MOCOS: variants seen among roughly 807,000 people sequenced by gnomAD.
The protein encoded by MOCOS is human molybdenum cofactor sulfurase.
A neutral mutation model predicts 83.6 loss-of-function variants in MOCOS; 86 were observed. The observed-to-expected ratio is 1.03, with a 90% CI of 0.86 to 1.23. The LOEUF (loss-of-function observed/expected upper bound fraction) is 1.23. Ranked by LOEUF, MOCOS falls within the 50% of genes most tolerant of loss-of-function variation. The pLI is 0.00. For synonymous variants in MOCOS, 445 were observed against 434.7 expected, an observed-to-expected ratio of 1.02 and a Z score of -0.29; for missense variants, 1,120 against 1,126.9, an observed-to-expected ratio of 0.99 and a Z score of 0.09.
In MOCOS at chr18:36,254,456, CTCTGTGTG is replaced by C. The variant is rs1459986985; in HGVS notation, c.2165-2510_2165-2503del. 1.8e-3 allele frequency among the ~76,000 whole-genome samples: 165 copies of C among 90,124 alleles called. 1 individual carries two copies. Among genetic ancestry groups the C allele is most frequent in the African/African-American group, 7.9e-3 (157 of 19,970 alleles). 59.1% of individuals were successfully genotyped at this position (90,124 alleles called of 152,430 possible). On this transcript the variant is annotated intron_variant, in intron 11 of 14. Transcript: ENST00000261326. ...GAGTATTCATTACAAAATACATTATCTCTGTGTGTGTGTGTGTGTGTGTGTGTGTGTGT... is the reference window on the plus strand; with the variant it reads ...GAGTATTCATTACAAAATACATTATCTGTGTGTGTGTGTGTGTGTGTGTGT...
At chr18:36,222,968 C>A (rs73432615) in intron 9 of MOCOS, among the ~76,000 whole-genome samples, 3,598 of 152,148 alleles carry the variant, frequency 0.024, 156 homozygotes, top group African/African-American at 0.082. Flanking sequence ...TGTAGGAGTT[C>A]CTTATATATC....
At chr18:36,254,600 T>C (rs2091635089) in intron 11 of MOCOS, among the ~76,000 whole-genome samples, 1 of 151,290 alleles carries the variant, frequency 6.6e-6, no homozygotes, top group African/African-American at 2.4e-5. Context: ...TGTGTGTATA[T>C]ATATATACAC....
chr18:36,250,267 G>A (rs1484814520), intron 10 of MOCOS, among the ~76,000 whole-genome samples: 1 of 152,206 alleles, frequency 6.6e-6, no homozygotes, highest in Non-Finnish European at 1.5e-5. Context: ...GGGTAGGTCT[G>A]TGCTCAGTAG....
rs138512504 is a variant in MOCOS at position 36,270,682 on chromosome 18, C to T, written c.*1997C>T. ...GAGCCGAGATCATGCCACTGCACACCGGCCTGGTGACAGAGCAAGACTCCA... is the reference window on the plus strand; with the variant it reads ...GAGCCGAGATCATGCCACTGCACACTGGCCTGGTGACAGAGCAAGACTCCA... On this transcript the variant is annotated 3_prime_UTR_variant, in exon 15 of 15. Transcript: ENST00000261326. The T allele has an allele frequency of 0.023, 3,183 of 140,300 alleles. 52 individuals are homozygous for T. Among genetic ancestry groups the T allele is most frequent in the Middle Eastern group, 0.048 (12 of 250 alleles). 8.7% of individuals were successfully genotyped at this position (140,300 alleles called of 1,614,324 possible). A position where few individuals can be genotyped will look rare whatever the true frequency, so the allele number is the denominator to read the frequency against.
chr18:36,234,086 T>G (rs2091548827), intron 9 of MOCOS, among the ~76,000 whole-genome samples: 1 of 152,234 alleles, frequency 6.6e-6, no homozygotes, highest in South Asian at 2.1e-4. Flanking sequence ...TTTTGGGTTC[T>G]TGGTCATGAA....
At chr18:36,244,228 G>A (rs2091594821) in intron 9 of MOCOS, among the ~76,000 whole-genome samples, 1 of 150,974 alleles carries the variant, frequency 6.6e-6, no homozygotes, top group South Asian at 2.1e-4. Context: ...ATTTATTTGT[G>A]CTCTTTCAGA....
chr18:36,187,682 G>T lies in MOCOS; in HGVS notation c.142+1G>T. On this transcript the variant is annotated splice_donor_variant, in intron 1 of 14. Transcript: ENST00000261326. LOFTEE classifies it high-confidence loss of function. ...GCGCGCGAGTTCAGCCGCCTGGCAGGTGAGGCGGGCGGGCAGGCTTGGGGG... is the reference window on the plus strand; with the variant it reads ...GCGCGCGAGTTCAGCCGCCTGGCAGTTGAGGCGGGCGGGCAGGCTTGGGGG... 7.9e-7 allele frequency: 1 copy of T among 1,266,230 alleles called. No homozygotes were observed. The highest frequency in any genetic ancestry group is 9.9e-7 in the Non-Finnish European group (1 of 1,006,072). 78.4% of individuals were successfully genotyped at this position (1,266,230 alleles called of 1,614,324 possible).
At chr18:36,225,102 CTCATT>C (rs1179133669) in intron 9 of MOCOS, among the ~76,000 whole-genome samples, 11 of 152,044 alleles carry the variant, frequency 7.2e-5, no homozygotes, top group Admixed American at 5.2e-4. Context: ...TTTATAGTGT[CTCATT>C]TCATTTCAGA....
chr18:36,225,005 AT>A (rs1242918725), intron 9 of MOCOS, among the ~76,000 whole-genome samples: 5 of 152,078 alleles, frequency 3.3e-5, no homozygotes, highest in Non-Finnish European at 7.4e-5. Flanking sequence ...GTTTCTAGGA[AT>A]TTATTCATTT....
intron 1 of MOCOS, among the ~76,000 whole-genome samples, chr18:36,188,533 C>T (rs373370585): frequency 2.0e-5 from 3 of 152,184 alleles, no homozygotes; most frequent in Admixed American, 1.3e-4. Context: ...GGCCGCGTGC[C>T]GGATGGTCAA....
At chr18:36,263,272 G>T (rs2091670227) in intron 13 of MOCOS, among the ~76,000 whole-genome samples, 1 of 152,144 alleles carries the variant, frequency 6.6e-6, no homozygotes, top group Non-Finnish European at 1.5e-5. Flanking sequence ...CATTTTGGGA[G>T]ACTGATACTA....
At chr18:36,208,702 T>G (rs1396835310) in intron 6 of MOCOS, among the ~76,000 whole-genome samples, 3 of 152,224 alleles carry the variant, frequency 2.0e-5, no homozygotes, top group Non-Finnish European at 4.4e-5. Context: ...GCAGAGATTA[T>G]GGGATTTTCC....
chr18:36,268,265 C>T lies in MOCOS; in HGVS notation c.2515-268C>T, dbSNP rs116318098. On this transcript the variant is annotated intron_variant, in intron 14 of 14. Coordinates refer to ENST00000261326, the MANE Select transcript of MOCOS (RefSeq NM_017947.4). The stretch of plus-strand genomic sequence containing the variant: ...AAGTCCTTCTGCAGGAAGTTCAGGG[C>T]ATGTGGGACAGAGATGTGCCCAGCA... 6.5e-3 allele frequency among the ~76,000 whole-genome samples: 985 copies of T among 152,248 alleles called. 18 individuals carry two copies. The highest frequency in any genetic ancestry group is 0.023 in the African/African-American group (954 of 41,534).
chr18:36,248,008 G>A (rs1226614322), intron 9 of MOCOS, among the ~76,000 whole-genome samples: 1 of 151,872 alleles, frequency 6.6e-6, no homozygotes, highest in Non-Finnish European at 1.5e-5. Flanking sequence ...TTTATTTTTA[G>A]TTTTCTGAAG....
chr18:36,266,030 G>A (rs1050382227), intron 13 of MOCOS, among the ~76,000 whole-genome samples: 2 of 152,098 alleles, frequency 1.3e-5, no homozygotes, highest in African/African-American at 2.4e-5. Flanking sequence ...TGGGCTTCTC[G>A]TTCCTTTCTT....
At chr18:36,254,608 C>T (rs927234254) in intron 11 of MOCOS, among the ~76,000 whole-genome samples, 1 of 149,100 alleles carries the variant, frequency 6.7e-6, no homozygotes, top group Non-Finnish European at 1.5e-5. Context: ...TATATATATA[C>T]ACACACACAT....
intron 12 of MOCOS, among the ~76,000 whole-genome samples, chr18:36,259,388 G>T (rs1274052121): frequency 6.8e-6 from 1 of 147,972 alleles, no homozygotes. Flanking sequence ...GGTCAAGGCT[G>T]CAATGAGCTG....
chr18:36,231,983 T>C (rs950855330), intron 9 of MOCOS, among the ~76,000 whole-genome samples: 1 of 152,198 alleles, frequency 6.6e-6, no homozygotes, highest in East Asian at 1.9e-4. Flanking sequence ...TTTGGTTTTT[T>C]TGAGACACGT....
chr18:36,205,851 T>C (rs556251145), intron 6 of MOCOS, among the ~76,000 whole-genome samples: 2 of 151,624 alleles, frequency 1.3e-5, no homozygotes, highest in Non-Finnish European at 2.9e-5. Context: ...GCAATTCTCA[T>C]GCCTCAGCCT....
Sources: allele counts gnomAD v4.1 joint callset (sites outside exome capture counted in the v4.1 genomes callset), GRCh38; gene constraint gnomAD v4.1.1; transcripts MANE v1.5; gene names NCBI Gene and HGNC (gene_info 2026-07-23, HGNC 2026-07-21).